The following AMPH variants were observed in gnomAD, a reference collection of about 807,000 sequenced individuals.
AMPH encodes amphiphysin (Stiff-Mann syndrome with breast cancer 128kD autoantigen).
AMPH carries 49 observed loss-of-function variants against 99.1 expected under a neutral mutation model. The observed-to-expected ratio is 0.49, with a 90% confidence interval of 0.39 to 0.63. The LOEUF (loss-of-function observed/expected upper bound fraction) is 0.63, where lower values mean the gene tolerates loss of function less well. AMPH is among the 20% of genes least tolerant of loss of function. The pLI is 0.00. For missense variants in AMPH, 759 were observed against 863.4 expected, an observed-to-expected ratio of 0.88 and a Z score of 1.52; for synonymous variants, 314 against 317.3, an observed-to-expected ratio of 0.99 and a Z score of 0.11.
intron 12 of AMPH, among the ~76,000 whole-genome samples, chr7:38,433,109 G>C (rs1266751839): frequency 5.3e-5 from 8 of 152,192 alleles, no homozygotes. Flanking sequence ...CAGCAAACTA[G>C]AGAGCCTGGC....
At chr7:38,399,247 T>C (rs1004479984) in intron 17 of AMPH, among the ~76,000 whole-genome samples, 3 of 152,234 alleles carry the variant, frequency 2.0e-5, no homozygotes, top group African/African-American at 7.2e-5. Context: ...ACGTTGATTT[T>C]ACAGGGCTTA....
At chr7:38,621,596 G>A (rs975357667) in intron 1 of AMPH, among the ~76,000 whole-genome samples, 6 of 151,998 alleles carry the variant, frequency 3.9e-5, no homozygotes, top group Admixed American at 2.6e-4. Context: ...TTATAGGCAC[G>A]TAAAGATAGG....
At chr7:38,571,418 T>TTTTATATATTTATATATATTCTA (rs1584259865) in intron 1 of AMPH, among the ~76,000 whole-genome samples, 5 of 62,598 alleles carry the variant, frequency 8.0e-5, no homozygotes, top group Non-Finnish European at 1.2e-4. Flanking sequence ...ATATATATAT[T>TTTTATATATTTATATATATTCTA]TATATATAGA....
chr7:38,516,805 G>A (rs1156916610), intron 2 of AMPH, among the ~76,000 whole-genome samples: 2 of 152,338 alleles, frequency 1.3e-5, no homozygotes, highest in East Asian at 1.9e-4. Context: ...CAGAGGCAGA[G>A]CTGCCCAAGG....
chr7:38,506,409 G>A (rs1004442832), intron 2 of AMPH, among the ~76,000 whole-genome samples: 2 of 152,178 alleles, frequency 1.3e-5, no homozygotes, highest in African/African-American at 4.8e-5. Context: ...ACAAATGGAA[G>A]CCCAAGTGGT....
At chr7:38,475,642 G>T (rs1163341708) in intron 6 of AMPH, among the ~76,000 whole-genome samples, 1 of 152,156 alleles carries the variant, frequency 6.6e-6, no homozygotes, top group Non-Finnish European at 1.5e-5. Context: ...GCAGTTTCTG[G>T]CTGATTCATT....
intron 11 of AMPH, among the ~76,000 whole-genome samples, chr7:38,454,307 T>C (rs1787146794): frequency 6.6e-6 from 1 of 152,232 alleles, no homozygotes; most frequent in Non-Finnish European, 1.5e-5. Flanking sequence ...TAATATGATG[T>C]GATTATAATC....
At chr7:38,532,040 T>A in intron 2 of AMPH, among the ~76,000 whole-genome samples, 1 of 152,158 alleles carries the variant, frequency 6.6e-6, no homozygotes, top group East Asian at 1.9e-4. Flanking sequence ...ACCCAACACA[T>A]GCAAATTGAT....
chr7:38,541,816 G>A (rs1222501610), intron 1 of AMPH, among the ~76,000 whole-genome samples: 1 of 152,152 alleles, frequency 6.6e-6, no homozygotes, highest in African/African-American at 2.4e-5. Flanking sequence ...GAAAACTAGG[G>A]AGAAAGGACA....
intron 1 of AMPH, among the ~76,000 whole-genome samples, chr7:38,622,951 C>T (rs1237342422): frequency 1.3e-5 from 2 of 152,116 alleles, no homozygotes; most frequent in African/African-American, 2.4e-5. Flanking sequence ...GCTCTTGTTC[C>T]CTGCAGTGCT....
rs1384161374 is a variant in AMPH at position 38,524,957 on chromosome 7, T to C, written c.150+9974A>G. Among the ~76,000 whole-genome samples the C allele has an allele frequency of 2.6e-5, 4 of 151,974 alleles. No homozygotes were observed. The East Asian group carries it at 5.8e-4, about 22-fold the overall frequency. ...ACCTTGCCTACTCAGCTTGTTTATG[T>C]TCCCTGACACATCTTGGCAAGAATG... is the stretch of plus-strand genomic sequence containing the variant. On this transcript the variant is annotated intron_variant, in intron 2 of 20. Coordinates refer to ENST00000356264, the MANE Select transcript of AMPH (RefSeq NM_001635.4).
intron 5 of AMPH, among the ~76,000 whole-genome samples, chr7:38,485,187 A>C (rs1275584268): frequency 1.3e-5 from 2 of 151,996 alleles, no homozygotes; most frequent in Non-Finnish European, 2.9e-5. Flanking sequence ...AGAGTGGCTA[A>C]ATGAATTTAA....
intron 1 of AMPH, among the ~76,000 whole-genome samples, chr7:38,609,514 A>G (rs1008573889): frequency 2.6e-5 from 4 of 152,172 alleles, no homozygotes; most frequent in Admixed American, 6.5e-5. Context: ...GAATTCCACA[A>G]AGGCAGTCAG....
intron 11 of AMPH, among the ~76,000 whole-genome samples, chr7:38,459,459 A>G (rs1043424226): frequency 1.3e-5 from 2 of 152,188 alleles, no homozygotes; most frequent in Admixed American, 6.5e-5. Flanking sequence ...TTACAAGTCT[A>G]TAGTAACCAA....
At chr7:38,515,665 A>G (rs1057371046) in intron 2 of AMPH, among the ~76,000 whole-genome samples, 2 of 152,232 alleles carry the variant, frequency 1.3e-5, no homozygotes, top group Non-Finnish European at 2.9e-5. Context: ...ATACCTGCAA[A>G]TATGGAAGTA....
chr7:38,584,235 G>A (rs1334489344), intron 1 of AMPH, among the ~76,000 whole-genome samples: 1 of 152,192 alleles, frequency 6.6e-6, no homozygotes, highest in Non-Finnish European at 1.5e-5. Context: ...ACTCCAGGTA[G>A]TCTTTGACAG....
intron 1 of AMPH, among the ~76,000 whole-genome samples, chr7:38,563,724 G>C (rs1791634154): frequency 6.6e-6 from 1 of 152,164 alleles, no homozygotes; most frequent in Non-Finnish European, 1.5e-5. Context: ...GAATAATTCT[G>C]ATTTAGATAT....
intron 1 of AMPH, among the ~76,000 whole-genome samples, chr7:38,620,358 GTGTGTC>G (rs1277018832): frequency 7.0e-6 from 1 of 143,326 alleles, no homozygotes; most frequent in African/African-American, 2.8e-5. Flanking sequence ...GTGTGTGTGT[GTGTGTC>G]TGTGTGTGTG....
chr7:38,494,699 C>T (rs946139967), intron 3 of AMPH, among the ~76,000 whole-genome samples, 172 bp from the exon 4 acceptor site: 3 of 152,126 alleles, frequency 2.0e-5, no homozygotes, highest in African/African-American at 7.2e-5. Context: ...CTTTGAGGGT[C>T]TCTAAGACTT....
Sources: gnomAD v4.1 joint callset for allele counts (sites outside exome capture counted in the v4.1 genomes callset) on GRCh38, gnomAD v4.1.1 for gene constraint, MANE v1.5 for transcripts, NCBI Gene and HGNC (gene_info 2026-07-23, HGNC 2026-07-21) for gene names.